CECR2: variants seen among roughly 807,000 people sequenced by gnomAD.
CECR2 encodes chromatin remodeling regulator CECR2.
In CECR2, 30 loss-of-function variants were observed where a neutral mutation model predicts 154.5. That is an observed-to-expected ratio of 0.19 (90% confidence interval 0.15 to 0.26). The LOEUF (loss-of-function observed/expected upper bound fraction) is 0.26. Ranked by LOEUF, CECR2 falls within the 10% of genes least tolerant of loss-of-function variation. The probability of loss-of-function intolerance (pLI) is 1.00; values close to 1 mark genes in which losing one functional copy is unlikely to be tolerated. For synonymous variants in CECR2, 725 were observed against 683.7 expected (o/e 1.06, Z -0.94); for missense variants, 1,743 against 1,829.3 (o/e 0.95, Z 0.86).
chr22:17,404,279 C>CA lies in CECR2; in HGVS notation c.126+34387dup, dbSNP rs375565396. 4.8e-3 allele frequency among the ~76,000 whole-genome samples: 302 copies of CA among 62,884 alleles called. 9 individuals are homozygous for CA. The highest frequency in any genetic ancestry group is 0.016 in the South Asian group (27 of 1,650). The allele number at this position is 62,884 out of a possible 152,430, so 41.3% of individuals were successfully genotyped here. A position where few individuals can be genotyped will look rare whatever the true frequency, so the allele number is the denominator to read the frequency against. On this transcript the variant is annotated intron_variant, in intron 1 of 18. Transcript: ENST00000262608. ...GTCCCCATCCCCCCGACCCCCCTGC[C>CA]AAAAAAAAAAAAAAAAAGACTATCC...
rs2054034432 is a variant in CECR2 at position 17,409,374 on chromosome 22, G to C, written c.126+39465G>C. On this transcript the variant is annotated intron_variant, in intron 1 of 18. Coordinates refer to ENST00000262608, the MANE Select transcript of CECR2 (RefSeq NM_001290047.2). ...TCTCAGTCTCTTGACCTCGTGATCT[G>C]CCTGCCTCCCACCACACCCAGCTAA... 2.7e-5 allele frequency among the ~76,000 whole-genome samples: 3 copies of C among 110,250 alleles called. 1 individual carries two copies. Among genetic ancestry groups the C allele is most frequent in the African/African-American group, 9.0e-5 (3 of 33,194 alleles). The allele number at this position is 110,250 out of a possible 152,430, so 72.3% of individuals were successfully genotyped here.
chr22:17,441,994 G>T (rs2054591629), intron 1 of CECR2, among the ~76,000 whole-genome samples: 1 of 152,172 alleles, frequency 6.6e-6, no homozygotes, highest in African/African-American at 2.4e-5. Flanking sequence ...CAGGAAGCGG[G>T]TGGCAGACCT....
chr22:17,443,429 G>T (rs989092681), intron 1 of CECR2, among the ~76,000 whole-genome samples: 1 of 152,136 alleles, frequency 6.6e-6, no homozygotes, highest in African/African-American at 2.4e-5. Context: ...ATCCCTTTAA[G>T]CAGCAGGAGT....
chr22:17,389,309 A>G (rs1389055281), intron 1 of CECR2, among the ~76,000 whole-genome samples: 2 of 152,132 alleles, frequency 1.3e-5, no homozygotes, highest in Admixed American at 6.6e-5. Flanking sequence ...TAAAAGTTAC[A>G]TGAATTTTGG....
At chr22:17,475,726 G>T (rs1298700670) in intron 1 of CECR2, among the ~76,000 whole-genome samples, 2 of 152,174 alleles carry the variant, frequency 1.3e-5, no homozygotes, top group African/African-American at 4.8e-5. Flanking sequence ...TGCTTCTGTT[G>T]TAAGTCACTG....
At chr22:17,379,814 C>T (rs1476629497) in intron 1 of CECR2, among the ~76,000 whole-genome samples, 3 of 151,848 alleles carry the variant, frequency 2.0e-5, no homozygotes, top group East Asian at 1.9e-4. Flanking sequence ...GGGGAGCAAA[C>T]GGTATTGTGA....
intron 1 of CECR2, among the ~76,000 whole-genome samples, chr22:17,474,254 A>G (rs1482145106): frequency 6.6e-6 from 1 of 152,190 alleles, no homozygotes; most frequent in Non-Finnish European, 1.5e-5. Flanking sequence ...GTGGCTTCTG[A>G]CACAGTAAAC....
At chr22:17,506,073 C>G (rs1319885428) in intron 7 of CECR2, among the ~76,000 whole-genome samples, 2 of 151,980 alleles carry the variant, frequency 1.3e-5, no homozygotes, top group South Asian at 2.1e-4. Context: ...TCCCAAACTC[C>G]TAGCCTCAAT....
intron 1 of CECR2, among the ~76,000 whole-genome samples, chr22:17,469,231 A>C (rs2055081363): frequency 6.6e-6 from 1 of 151,944 alleles, no homozygotes; most frequent in South Asian, 2.1e-4. Flanking sequence ...AAGGCATACC[A>C]TGTGCCAGGC....
At chr22:17,517,245 T>G (rs972544432) in intron 8 of CECR2, among the ~76,000 whole-genome samples, 60 of 147,946 alleles carry the variant, frequency 4.1e-4, no homozygotes, top group African/African-American at 1.3e-3. Flanking sequence ...TTTCTGGCTC[T>G]ATCTCTCTTG....
rs771954254 is a variant in CECR2 at position 17,512,730 on chromosome 22, AAAG to A, written c.954+837_954+839del. Among the ~76,000 whole-genome samples, 22 of 145,546 alleles carry A rather than the reference AAAG, an allele frequency of 1.5e-4. No individual in the cohort carries two copies. In the East Asian group the frequency reaches 3.3e-3, roughly 22 times the overall value. On this transcript the variant is annotated intron_variant, in intron 8 of 18. Coordinates refer to ENST00000262608, the MANE Select transcript of CECR2 (RefSeq NM_001290047.2). ...CAGAAAAAAAAAAAAAAAAAGAAAG[AAAG>A]AAAAGAAAACCTGAGAGTTTGTGGC...
At chr22:17,385,728 G>A (rs963131092) in intron 1 of CECR2, among the ~76,000 whole-genome samples, 1 of 152,142 alleles carries the variant, frequency 6.6e-6, no homozygotes, top group African/African-American at 2.4e-5. Context: ...CTTGCTACTC[G>A]CAGGGTCGGC....
chr22:17,417,741 C>G (rs2054177141), intron 1 of CECR2, among the ~76,000 whole-genome samples: 1 of 152,070 alleles, frequency 6.6e-6, no homozygotes, highest in African/African-American at 2.4e-5. Flanking sequence ...GCCTCAGCCT[C>G]CCTAGTAGCT....
chr22:17,447,354 C>T (rs1256860988), intron 1 of CECR2, among the ~76,000 whole-genome samples: 1 of 152,022 alleles, frequency 6.6e-6, no homozygotes, highest in Non-Finnish European at 1.5e-5. Flanking sequence ...GGGGTTTCAT[C>T]GTGTTATCCA....
intron 1 of CECR2, among the ~76,000 whole-genome samples, chr22:17,383,657 C>CTTTTTTTT (rs57665657): frequency 7.7e-5 from 8 of 104,278 alleles, no homozygotes; most frequent in Admixed American, 1.2e-4. Flanking sequence ...TTCAGGTCCA[C>CTTTTTTTT]TTTTTTTTTT....
At chr22:17,489,215 G>C (rs138345166) in intron 2 of CECR2, among the ~76,000 whole-genome samples, 1,584 of 152,326 alleles carry the variant, frequency 0.01, 23 homozygotes, top group African/African-American at 0.035. Flanking sequence ...TTACAGGCAT[G>C]AGCCACCTCG....
At chr22:17,515,547 T>C (rs2056035909) in intron 8 of CECR2, among the ~76,000 whole-genome samples, 1 of 152,252 alleles carries the variant, frequency 6.6e-6, no homozygotes, top group Non-Finnish European at 1.5e-5. Flanking sequence ...TACTTTGTGA[T>C]CAGTATATTG....
intron 1 of CECR2, among the ~76,000 whole-genome samples, chr22:17,435,539 C>T (rs1186752109): frequency 6.6e-6 from 1 of 152,040 alleles, no homozygotes. Flanking sequence ...AAGCCCTCAG[C>T]ACCTTTTGAA....
intron 1 of CECR2, among the ~76,000 whole-genome samples, chr22:17,404,916 C>G (rs944408202): frequency 6.6e-6 from 1 of 152,152 alleles, no homozygotes; most frequent in Admixed American, 6.5e-5. Context: ...TATTGAATAT[C>G]TAGGTCAATT....
Sources: allele counts gnomAD v4.1 joint callset (sites outside exome capture counted in the v4.1 genomes callset), GRCh38; gene constraint gnomAD v4.1.1; transcripts MANE v1.5; gene names NCBI Gene and HGNC (gene_info 2026-07-23, HGNC 2026-07-21).